UNC45A: variants seen among roughly 807,000 people sequenced by gnomAD.
UNC45A encodes protein unc-45 homolog A.
UNC45A carries 78 observed loss-of-function variants against 103.2 expected under a neutral mutation model. That is an observed-to-expected ratio of 0.76 (90% CI 0.63 to 0.91). UNC45A has a LOEUF of 0.91. Among genes scored for constraint, UNC45A ranks in the 40% least tolerant of loss-of-function variants. UNC45A has a pLI of 0.00. For missense variants in UNC45A, 1,193 were observed against 1,224.8 expected (o/e 0.97, Z 0.39); for synonymous variants, 495 against 504.6 (o/e 0.98, Z 0.25).
At chr15:90,938,637 A>T (rs1205088827) in intron 4 of UNC45A, among the ~76,000 whole-genome samples, 2 of 152,030 alleles carry the variant, frequency 1.3e-5, no homozygotes, top group Admixed American at 1.3e-4. Flanking sequence ...GTGGGGGAGT[A>T]GGCCTAGGAT....
chr15:90,946,866 C>A lies in UNC45A; in HGVS notation c.1452C>A (p.Asp484Glu), dbSNP rs1168043555. 9.3e-6 allele frequency: 15 copies of A among 1,613,174 alleles called. No homozygotes were observed. Among genetic ancestry groups the A allele is most frequent in the African/African-American group, 1.3e-5 (1 of 74,894 alleles). Reference protein sequence around the residue: ...ITANGVSLLKDLYKCSEKDSI... With the variant: ...ITANGVSLLKELYKCSEKDSI... ...CCAATGGTGTCTCGCTGCTGAAGGA[C>A]CTATATAAGTGCAGCGAGAAGGACA... Residue 484 changes from aspartate (D) to glutamate (E), a missense_variant, in exon 10 of 20, where the codon GAC becomes GAA. Asp to Glu is a conservative substitution (Grantham distance 45). Coordinates refer to ENST00000418476, the MANE Select transcript of UNC45A (RefSeq NM_018671.5).
In UNC45A at chr15:90,953,746, C is replaced by T. The variant is rs1431211422; in HGVS notation, c.*30C>T. ...GTTGTCCCTGGGCCCAAGGCTCATG[C>T]ACACGCTACCTATTGTGGCACGGAG... On this transcript the variant is annotated 3_prime_UTR_variant, in exon 20 of 20. Transcript: ENST00000418476. 6.2e-7 allele frequency: 1 copy of T among 1,605,188 alleles called. No homozygotes were observed. Among genetic ancestry groups the T allele is most frequent in the Non-Finnish European group, 8.5e-7 (1 of 1,174,802 alleles).
At chr15:90,936,520 G>A (rs2036032008) in intron 4 of UNC45A, 60 bp downstream of exon 4, 4 of 1,565,838 alleles carry the variant, frequency 2.6e-6, no homozygotes, top group Admixed American at 3.8e-5. Flanking sequence ...TCTGGGCCAG[G>A]GGTGTAGACA....
rs60118193 is a variant in UNC45A at position 90,946,253 on chromosome 15, C to CA, written c.1200-343dup. ...TTGGGGACAGAGTGAGACTCTGTCT[C>CA]AAAAAAAAAAAAAAAAAAGAAAGAA... On this transcript the variant is annotated intron_variant, in intron 9 of 19. Coordinates refer to ENST00000418476, the MANE Select transcript of UNC45A (RefSeq NM_018671.5). 4.5e-3 allele frequency among the ~76,000 whole-genome samples: 470 copies of CA among 104,456 alleles called. 1 individual carries two copies. The highest frequency in any genetic ancestry group is 7.4e-3 in the Non-Finnish European group (355 of 47,860). The allele number at this position is 104,456 out of a possible 152,430, so 68.5% of individuals were successfully genotyped here.
chr15:90,936,046 A>G, intron 3 of UNC45A, 64 bp downstream of exon 3: 1 of 1,604,356 alleles, frequency 6.2e-7, no homozygotes, highest in Admixed American at 1.7e-5. Context: ...GGACTCTGGG[A>G]CCGCTGCACC....
chr15:90,940,490 G>A lies in UNC45A; in HGVS notation c.687+17G>A, dbSNP rs556469851. On this transcript the variant is annotated intron_variant, in intron 6 of 19. Coordinates refer to ENST00000418476, the MANE Select transcript of UNC45A (RefSeq NM_018671.5). ...CAGTCACGGGTAGGTGGAGTGGAGA[G>A]GCTGGTTACAGCTTCAGTCCCTTTG... 4 of 1,603,406 alleles carry A rather than the reference G, an allele frequency of 2.5e-6. No homozygotes were observed. In the African/African-American group the frequency reaches 4.0e-5, roughly 16 times the overall value.
chr15:90,936,191 C>T, intron 3 of UNC45A, 94 bp from the exon 4 acceptor site: 1 of 1,536,444 alleles, frequency 6.5e-7, no homozygotes, highest in East Asian at 2.3e-5. Flanking sequence ...GTCCCCCCCA[C>T]CTTCTTCTGG....
intron 8 of UNC45A, among the ~76,000 whole-genome samples, chr15:90,944,679 C>A (rs965298541): frequency 1.3e-5 from 2 of 152,364 alleles, no homozygotes; most frequent in Non-Finnish European, 2.9e-5. Flanking sequence ...GGCTGGCATG[C>A]AGGCCTCACT....
In UNC45A at chr15:90,935,321, C is replaced by T. The variant is rs1326693365; in HGVS notation, c.-4C>T. The T allele has an allele frequency of 1.0e-5, 16 of 1,603,470 alleles. No individual in the cohort carries two copies. The highest frequency in any genetic ancestry group is 1.2e-5 in the Non-Finnish European group (14 of 1,176,698). ...CTGCGCGGGCACGAGACAACCTCTCCGCGATGACTGTGAGTGGTCCAGGGA... is the reference window on the plus strand; with the variant it reads ...CTGCGCGGGCACGAGACAACCTCTCTGCGATGACTGTGAGTGGTCCAGGGA... On this transcript the variant is annotated 5_prime_UTR_variant, in exon 1 of 20. Transcript: ENST00000418476.
In UNC45A at chr15:90,953,218, G is replaced by A. The variant is rs749633261; in HGVS notation, c.2485G>A (p.Glu829Lys). The A allele has an allele frequency of 1.2e-6, 2 of 1,613,936 alleles. No individual in the cohort carries two copies. The highest frequency in any genetic ancestry group is 3.3e-5 in the Admixed American group (2 of 60,030). The change falls in exon 19 of 20, where the codon GAG becomes AAG. Residue 829 changes from glutamate to lysine, a missense_variant. Transcript: ENST00000418476. Reference protein sequence around the residue: ...RLKLLVLYSGEDDELLQRAAA... With the variant: ...RLKLLVLYSGKDDELLQRAAA... ...GAAGCTGCTGGTGCTGTACAGTGGAGAGGATGATGAGCTGCTACAGCGGGC... is the reference window on the plus strand; with the variant it reads ...GAAGCTGCTGGTGCTGTACAGTGGAAAGGATGATGAGCTGCTACAGCGGGC...
Position 90,939,836 on chromosome 15 carries a change from G to C in UNC45A, c.519+13G>C. ...GAAAAAGCAAAAGGTATAGGCCCTG[G>C]GCTGAGTCAGTGAGTGAGCTCCCAC... is the stretch of plus-strand genomic sequence containing the variant. On this transcript the variant is annotated intron_variant, in intron 5 of 19. Transcript: ENST00000418476. 5 of 1,612,982 alleles carry C rather than the reference G, an allele frequency of 3.1e-6. No homozygotes were observed. Among genetic ancestry groups the C allele is most frequent in the Non-Finnish European group, 4.2e-6 (5 of 1,179,572 alleles).
In UNC45A at chr15:90,952,909, T is replaced by A; in HGVS notation, c.2304-20T>A. ...AACATCCAAACCGTATCCCTGCTGC[T>A]TCCTCCTGTGGCCCTGCAGGCAGAA... is the stretch of plus-strand genomic sequence containing the variant. On this transcript the variant is annotated intron_variant, in intron 17 of 19. Transcript: ENST00000418476. 6.2e-7 allele frequency: 1 copy of A among 1,606,312 alleles called. No individual in the cohort carries two copies.
At chr15:90,935,254 TG>T (rs1234530714), upstream of UNC45A, 5 of 1,451,498 alleles carry the variant, frequency 3.4e-6, no homozygotes, top group Non-Finnish European at 4.7e-6. Context: ...CAGCTGCCGG[TG>T]GCGTCCCGAA....
At chr15:90,948,072 C>T in intron 11 of UNC45A, 70 bp from the exon 12 acceptor site, 1 of 1,594,334 alleles carries the variant, frequency 6.3e-7, no homozygotes, top group Non-Finnish European at 8.5e-7. Context: ...TTGGTTTTTC[C>T]CCCTTGGCCT....
intron 6 of UNC45A, among the ~76,000 whole-genome samples, chr15:90,941,366 T>C (rs1423834901): frequency 6.6e-6 from 1 of 152,190 alleles, no homozygotes; most frequent in Non-Finnish European, 1.5e-5. Flanking sequence ...CTGAGCTGGC[T>C]TGCTCCAGGG....
intron 4 of UNC45A, among the ~76,000 whole-genome samples, chr15:90,939,463 G>C (rs1022347909): frequency 2.6e-5 from 4 of 152,212 alleles, no homozygotes; most frequent in Non-Finnish European, 5.9e-5. Context: ...GTAGCTGACA[G>C]GATACCTCCC....
At position 90,953,967 on chromosome 15, in the gene UNC45A, G is replaced by A; in HGVS notation, c.*251G>A. 1 of 548,052 alleles carries A rather than the reference G, an allele frequency of 1.8e-6. No homozygotes were observed. Among genetic ancestry groups the A allele is most frequent in the South Asian group, 2.1e-5 (1 of 48,076 alleles). 33.9% of individuals were successfully genotyped at this position (548,052 alleles called of 1,614,324 possible). A position where few individuals can be genotyped will look rare whatever the true frequency, so the allele number is the denominator to read the frequency against. The stretch of plus-strand genomic sequence containing the variant: ...TGTACTACTGTAGTCAGCTGGGAAT[G>A]GGGAAGGTGCATCCCAACACAGCCT... On this transcript the variant is annotated 3_prime_UTR_variant, in exon 20 of 20. Coordinates refer to ENST00000418476, the MANE Select transcript of UNC45A (RefSeq NM_018671.5).
At chr15:90,932,448 G>A (rs1436150158), upstream of UNC45A, 12 of 1,360,834 alleles carry the variant, frequency 8.8e-6, no homozygotes, top group East Asian at 3.4e-4. Context: ...GGTTGATGTA[G>A]GGGGTCCCCT....
chr15:90,947,899 T>C lies in UNC45A; in HGVS notation c.1595+9T>C. ...GCTAAGCAGTGTCGAAAGTGAGTCA[T>C]CTGGCCTTGCTGTGGTTCCCCACCT... On this transcript the variant is annotated intron_variant, in intron 11 of 19. Transcript: ENST00000418476. 6.2e-7 allele frequency: 1 copy of C among 1,612,140 alleles called. No individual in the cohort carries two copies. Among genetic ancestry groups the C allele is most frequent in the Non-Finnish European group, 8.5e-7 (1 of 1,178,988 alleles).
Sources: allele counts gnomAD v4.1 joint callset (sites outside exome capture counted in the v4.1 genomes callset), GRCh38; gene constraint gnomAD v4.1.1; transcripts MANE v1.5; gene names NCBI Gene and HGNC (gene_info 2026-07-23, HGNC 2026-07-21).